ARB2A: variants seen among roughly 807,000 people sequenced by gnomAD.
ARB2A encodes ARB2 cotranscriptional regulator A, also known as cotranscriptional regulator ARB2A.
At chr5:93,903,911 T>C in the ARB2A span, among the ~76,000 whole-genome samples, 1 of 152,112 alleles carries the variant, frequency 6.6e-6, no homozygotes, top group Non-Finnish European at 1.5e-5. Flanking sequence ...GTGAAGAATA[T>C]TTAACAGTTT....
At chr5:93,629,983 G>T in the ARB2A span, among the ~76,000 whole-genome samples, 1 of 152,106 alleles carries the variant, frequency 6.6e-6, no homozygotes, top group Non-Finnish European at 1.5e-5. Context: ...ATGCGTTATT[G>T]AGTCCCATTG....
chr5:93,919,510 G>A, the ARB2A span, among the ~76,000 whole-genome samples: 5 of 152,116 alleles, frequency 3.3e-5, no homozygotes, highest in Admixed American at 6.6e-5. Flanking sequence ...GAAGGGAATT[G>A]TAATTCTTAA....
At chr5:93,904,840 C>A in the ARB2A span, among the ~76,000 whole-genome samples, 4 of 151,744 alleles carry the variant, frequency 2.6e-5, no homozygotes, top group African/African-American at 7.2e-5. Flanking sequence ...AGAGGAAAAT[C>A]TCATTTATGC....
the ARB2A span, among the ~76,000 whole-genome samples, chr5:93,892,587 G>GC: frequency 5.1e-4 from 77 of 151,410 alleles, no homozygotes; most frequent in Non-Finnish European, 8.7e-4. Flanking sequence ...ACTACCTCTG[G>GC]GGGGGGGAAA....
At chr5:93,741,833 G>A in the ARB2A span, 1 of 427,344 alleles carries the variant, frequency 2.3e-6, no homozygotes, top group East Asian at 3.5e-5. Flanking sequence ...CAAGCTGTCT[G>A]GAGTCCCTTA....
At chr5:93,983,541 T>G in the ARB2A span, among the ~76,000 whole-genome samples, 1 of 152,066 alleles carries the variant, frequency 6.6e-6, no homozygotes, top group Non-Finnish European at 1.5e-5. Context: ...GGAGGAAGAA[T>G]GCTCTTCCTT....
the ARB2A span, among the ~76,000 whole-genome samples, chr5:93,635,459 GTTTTTTTTT>G: frequency 1.6e-5 from 2 of 128,940 alleles, no homozygotes; most frequent in Non-Finnish European, 3.2e-5. Context: ...TTATACGAAA[GTTTTTTTTT>G]TTTTTTTTTG....
At chr5:93,688,014 C>T in the ARB2A span, among the ~76,000 whole-genome samples, 1 of 151,810 alleles carries the variant, frequency 6.6e-6, no homozygotes, top group African/African-American at 2.4e-5. Flanking sequence ...TGCTCTGTCA[C>T]CCAGGCTGGA....
At chr5:94,049,576 A>G in the ARB2A span, among the ~76,000 whole-genome samples, 6 of 151,428 alleles carry the variant, frequency 4.0e-5, no homozygotes, top group South Asian at 1.0e-3. Context: ...CATCTCTACT[A>G]AAAGTACAAA....
At chr5:93,919,103 A>C in the ARB2A span, among the ~76,000 whole-genome samples, 1 of 152,194 alleles carries the variant, frequency 6.6e-6, no homozygotes, top group Non-Finnish European at 1.5e-5. Context: ...CAGTGTCAGC[A>C]AAGTTAGGGA....
chr5:93,958,750 A>G, the ARB2A span: 1 of 1,470,268 alleles, frequency 6.8e-7, no homozygotes, highest in Middle Eastern at 1.8e-4. Flanking sequence ...AAATGCCAAA[A>G]AAAAAAACCC....
the ARB2A span, among the ~76,000 whole-genome samples, chr5:93,831,740 C>A: frequency 6.6e-6 from 1 of 152,170 alleles, no homozygotes; most frequent in Admixed American, 6.5e-5. Context: ...GAGCTAAGAA[C>A]CAACAGTTGT....
At chr5:93,835,300 T>C in the ARB2A span, among the ~76,000 whole-genome samples, 1 of 152,242 alleles carries the variant, frequency 6.6e-6, no homozygotes, top group African/African-American at 2.4e-5. Context: ...TGCATATTTG[T>C]GTAATTATTT....
the ARB2A span, among the ~76,000 whole-genome samples, chr5:94,041,611 T>C: frequency 2.0e-5 from 3 of 152,222 alleles, no homozygotes; most frequent in Non-Finnish European, 1.5e-5. Context: ...TAAGTCATCT[T>C]TGGCAAATAA....
the ARB2A span, among the ~76,000 whole-genome samples, chr5:94,081,985 AATC>A: frequency 2.6e-5 from 4 of 152,176 alleles, no homozygotes; most frequent in South Asian, 6.2e-4. Flanking sequence ...GTAATGTCCT[AATC>A]ACCCCTCTCT....
the ARB2A span, among the ~76,000 whole-genome samples, chr5:93,931,119 G>A: frequency 9.2e-5 from 14 of 152,202 alleles, no homozygotes; most frequent in African/African-American, 3.4e-4. Flanking sequence ...GTTTGCTGAG[G>A]ATGATGGCTT....
At chr5:93,665,507 A>G in the ARB2A span, among the ~76,000 whole-genome samples, 1 of 152,224 alleles carries the variant, frequency 6.6e-6, no homozygotes, top group East Asian at 1.9e-4. Context: ...AGAAGAAAGA[A>G]GAGATAGACC....
chr5:93,923,951 A>C, the ARB2A span, among the ~76,000 whole-genome samples: 1 of 152,172 alleles, frequency 6.6e-6, no homozygotes, highest in African/African-American at 2.4e-5. Flanking sequence ...TGGTTAATAA[A>C]ATGGGAAGAG....
chr5:93,897,889 G>A, the ARB2A span, among the ~76,000 whole-genome samples: 1 of 151,644 alleles, frequency 6.6e-6, no homozygotes, highest in Non-Finnish European at 1.5e-5. Context: ...GGTCTCAGAG[G>A]GTACCAGAGA....
Sources: allele counts gnomAD v4.1 joint callset (sites outside exome capture counted in the v4.1 genomes callset), GRCh38; gene constraint gnomAD v4.1.1; transcripts MANE v1.5; gene names NCBI Gene and HGNC (gene_info 2026-07-23, HGNC 2026-07-21).